Variants in TCF12 observed in about 807,000 individuals in gnomAD.
TCF12 encodes the protein transcription factor 12.
In TCF12, 45 loss-of-function variants were observed where a neutral mutation model predicts 86.0. The ratio of observed to expected loss-of-function variants is 0.52; its 90% CI spans 0.41 to 0.67. The LOEUF (loss-of-function observed/expected upper bound fraction) is 0.67, where lower values mean the gene tolerates loss of function less well. Ranked by LOEUF, TCF12 falls within the 30% of genes least tolerant of loss-of-function variation. The pLI, the probability that TCF12 is intolerant of heterozygous loss-of-function variation, is 0.00. For synonymous variants in TCF12, 330 were observed against 299.6 expected (o/e 1.10, Z -1.05); for missense variants, 881 against 859.9 (o/e 1.02, Z -0.31).
At chr15:57,157,201 T>TCA (rs1223648106) in intron 5 of TCF12, among the ~76,000 whole-genome samples, 7 of 151,100 alleles carry the variant, frequency 4.6e-5, no homozygotes, top group African/African-American at 1.7e-4. Context: ...TTTTAAATCG[T>TCA]TTTTTAAGAA....
intron 8 of TCF12, chr15:57,219,330 G>A (rs1318360399): frequency 2.4e-6 from 3 of 1,230,552 alleles, no homozygotes; most frequent in Non-Finnish European, 3.0e-6. Flanking sequence ...AATTGAAAGA[G>A]GTTACTTACA....
chr15:57,218,126 TG>T (rs2058409441), intron 8 of TCF12, among the ~76,000 whole-genome samples: 2 of 152,110 alleles, frequency 1.3e-5, no homozygotes, highest in Admixed American at 1.3e-4. Flanking sequence ...AAAATGAGGT[TG>T]GGGGGATAGG....
At chr15:57,291,031 G>C (rs2062065008), downstream of TCF12, 1 of 152,158 alleles carries the variant, frequency 6.6e-6, no homozygotes, top group Admixed American at 6.5e-5. Flanking sequence ...GTATTGTCTG[G>C]AAGAATGAAT....
chr15:57,106,774 C>A (rs143449145), intron 5 of TCF12, among the ~76,000 whole-genome samples: 1 of 152,298 alleles, frequency 6.6e-6, no homozygotes, highest in Non-Finnish European at 1.5e-5. Flanking sequence ...TGAACAGACA[C>A]CTCACCCAGG....
intron 4 of TCF12, among the ~76,000 whole-genome samples, chr15:57,085,804 A>G (rs1211086174): frequency 6.6e-6 from 1 of 152,114 alleles, no homozygotes; most frequent in Non-Finnish European, 1.5e-5. Context: ...CTCATCCAGA[A>G]CTTTCTGATG....
In TCF12 at chr15:57,289,419, G is replaced by A. The variant is rs2062032030; in HGVS notation, c.*3274G>A. The A allele has an allele frequency of 6.6e-6, 1 of 151,990 alleles. No individual in the cohort carries two copies. The highest frequency in any genetic ancestry group is 2.4e-5 in the African/African-American group (1 of 41,372). The allele number at this position is 151,990 out of a possible 1,614,324, so 9.4% of individuals were successfully genotyped here. A position where few individuals can be genotyped will look rare whatever the true frequency, so the allele number is the denominator to read the frequency against. On this transcript the variant is annotated 3_prime_UTR_variant, in exon 21 of 21. Transcript: ENST00000333725. ...CTCTAAGAACACATAATTAGTAACA[G>A]ATCAAGACACTTAAAACTTTCCCTA...
chr15:57,182,379 TA>T (rs1210050039), intron 6 of TCF12, among the ~76,000 whole-genome samples: 13 of 152,186 alleles, frequency 8.5e-5, no homozygotes, highest in African/African-American at 3.1e-4. Flanking sequence ...TTTTTAATTG[TA>T]TTTTTTTCAT....
intron 3 of TCF12, among the ~76,000 whole-genome samples, chr15:57,052,731 ACTT>A (rs1194548780): frequency 6.6e-6 from 1 of 152,074 alleles, no homozygotes; most frequent in Non-Finnish European, 1.5e-5. Flanking sequence ...ATTTATAAAT[ACTT>A]CTTTAGTGAG....
At chr15:56,980,087 G>A (rs539236303) in intron 3 of TCF12, among the ~76,000 whole-genome samples, 1 of 152,216 alleles carries the variant, frequency 6.6e-6, no homozygotes, top group South Asian at 2.1e-4. Context: ...GGCTGAGCAC[G>A]GTGGCTCATG....
intron 3 of TCF12, among the ~76,000 whole-genome samples, chr15:56,984,258 G>C (rs2063059756): frequency 6.8e-6 from 1 of 145,986 alleles, no homozygotes; most frequent in Admixed American, 6.8e-5. Context: ...TGGTGTGTGT[G>C]TGTGTGTGTG....
chr15:57,145,500 G>A (rs1596805684), intron 5 of TCF12, among the ~76,000 whole-genome samples: 2 of 152,070 alleles, frequency 1.3e-5, no homozygotes, highest in East Asian at 1.9e-4. Flanking sequence ...AAAAAAATGT[G>A]TACTAGGGAT....
intron 5 of TCF12, among the ~76,000 whole-genome samples, chr15:57,119,894 G>A (rs542015331): frequency 2.8e-3 from 431 of 152,230 alleles, no homozygotes; most frequent in African/African-American, 7.7e-3. Flanking sequence ...CCTTGTTTCT[G>A]TCTCAGAACC....
intron 3 of TCF12, among the ~76,000 whole-genome samples, chr15:56,961,908 C>T (rs991635410): frequency 5.9e-5 from 9 of 151,876 alleles, no homozygotes; most frequent in Non-Finnish European, 8.8e-5. Flanking sequence ...TTTGGGAGGC[C>T]GAGGTGGGTG....
chr15:57,010,465 A>G (rs549355749), intron 3 of TCF12, among the ~76,000 whole-genome samples: 13 of 152,330 alleles, frequency 8.5e-5, no homozygotes, highest in Middle Eastern at 3.4e-3. Context: ...TAAGCCTGCC[A>G]TAGTACCGAT....
intron 16 of TCF12, among the ~76,000 whole-genome samples, chr15:57,260,581 A>G (rs2060543754): frequency 6.6e-6 from 1 of 152,194 alleles, no homozygotes. Flanking sequence ...CCACATTATT[A>G]TAAATACAAA....
At chr15:57,243,934 A>G (rs949943825) in intron 13 of TCF12, among the ~76,000 whole-genome samples, 2 of 152,124 alleles carry the variant, frequency 1.3e-5, no homozygotes, top group African/African-American at 4.8e-5. Context: ...GCTGGAGTAT[A>G]GTGGTATGGT....
intron 3 of TCF12, among the ~76,000 whole-genome samples, chr15:57,009,563 A>C (rs2064694593): frequency 6.6e-6 from 1 of 152,218 alleles, no homozygotes; most frequent in Admixed American, 6.5e-5. Flanking sequence ...TGTCACCATT[A>C]GAAAGCATTT....
In TCF12 at chr15:57,232,426, G is replaced by A. The variant is rs771352219; in HGVS notation, c.821G>A (p.Arg274His). Residue 274 changes from arginine (R) to histidine (H), a missense_variant, in exon 10 of 21, where the codon CGC becomes CAC. By Grantham distance (29) the Arg-to-His change is conservative. Coordinates refer to ENST00000333725, the MANE Select transcript of TCF12 (RefSeq NM_207037.2). ...TATGGCAACCTTCATTCACATGACCGCTTGGTAGGCTATAACACGTGACTA... is the reference window on the plus strand; with the variant it reads ...TATGGCAACCTTCATTCACATGACCACTTGGTAGGCTATAACACGTGACTA... ...SSYGNLHSHD[R>H]LSYPPHSVSP... 32 of 1,603,418 alleles carry A rather than the reference G, an allele frequency of 2.0e-5. No homozygotes were observed. Among genetic ancestry groups the A allele is most frequent in the Non-Finnish European group, 2.6e-5 (31 of 1,176,742 alleles).
chr15:57,147,729 T>TA (rs1440097119), intron 5 of TCF12, among the ~76,000 whole-genome samples: 2 of 152,042 alleles, frequency 1.3e-5, no homozygotes, highest in African/African-American at 2.4e-5. Context: ...AAAATACAAA[T>TA]ATGGAAAATG....
Sources: allele counts gnomAD v4.1 joint callset (sites outside exome capture counted in the v4.1 genomes callset), GRCh38; gene constraint gnomAD v4.1.1; transcripts MANE v1.5; gene names NCBI Gene and HGNC (gene_info 2026-07-23, HGNC 2026-07-21).